Variants in RNF125 observed in about 807,000 individuals in gnomAD.
The protein encoded by RNF125 is ring finger protein 125, also known as E3 ubiquitin-protein ligase RNF125.
Under a neutral mutation model 26.0 loss-of-function variants are expected in RNF125, and 21 were observed. The observed-to-expected ratio is 0.81, with a 90% CI of 0.57 to 1.16. RNF125 has a LOEUF of 1.16. RNF125 is among the 50% of genes most tolerant of loss of function. The pLI is 0.00. For synonymous variants in RNF125, 95 were observed against 109.2 expected, an observed-to-expected ratio of 0.87 and a Z score of 0.81; for missense variants, 270 against 299.4, an observed-to-expected ratio of 0.90 and a Z score of 0.72.
In RNF125 at chr18:32,071,880, GA is replaced by G. The variant is rs1250520604; in HGVS notation, c.*3497del. The G allele has an allele frequency of 6.6e-6, 1 of 152,038 alleles. No individual in the cohort carries two copies. Among genetic ancestry groups the G allele is most frequent in the Non-Finnish European group, 1.5e-5 (1 of 68,014 alleles). 9.4% of individuals were successfully genotyped at this position (152,038 alleles called of 1,614,324 possible). A position where few individuals can be genotyped will look rare whatever the true frequency, so the allele number is the denominator to read the frequency against. Reference sequence around the variant, plus strand: ...AACCTCTCTTTCTTCAATTTAGATGGATCATACAATAAAGCAAAATCTGGCT... The same window carrying G: ...AACCTCTCTTTCTTCAATTTAGATGGTCATACAATAAAGCAAAATCTGGCT... On this transcript the variant is annotated 3_prime_UTR_variant, in exon 6 of 6. Coordinates refer to ENST00000217740, the MANE Select transcript of RNF125 (RefSeq NM_017831.4).
intron 1 of RNF125, among the ~76,000 whole-genome samples, chr18:32,023,597 A>G (rs2039005557): frequency 6.6e-6 from 1 of 152,248 alleles, no homozygotes; most frequent in African/African-American, 2.4e-5. Flanking sequence ...TCATGTATCT[A>G]AGTATGACAT....
chr18:32,065,928 C>A lies in RNF125; in HGVS notation c.531C>A (p.Pro177=). The A allele has an allele frequency of 6.2e-7, 1 of 1,613,466 alleles. No homozygotes were observed. The highest frequency in any genetic ancestry group is 8.5e-7 in the Non-Finnish European group (1 of 1,179,436). The change falls in exon 5 of 6, where the codon CCC becomes CCA. Residue 177 remains proline (P), a synonymous_variant. Coordinates refer to ENST00000217740, the MANE Select transcript of RNF125 (RefSeq NM_017831.4). ...TCTGTCCACTTTGCCGTTTAATACC[C>A]GATGAGAATCCAAGCAGCTTCAGTG... ...PVFCPLCRLI[P]DENPSSFSGS...
At chr18:32,039,330 A>C (rs2039193295) in intron 2 of RNF125, among the ~76,000 whole-genome samples, 1 of 151,864 alleles carries the variant, frequency 6.6e-6, no homozygotes, top group Non-Finnish European at 1.5e-5. Flanking sequence ...CAGGAGATCA[A>C]GGCTGCAGTA....
At chr18:32,041,645 T>TTTTTTTTG (rs1242648581) in intron 2 of RNF125, among the ~76,000 whole-genome samples, 4 of 95,476 alleles carry the variant, frequency 4.2e-5, no homozygotes, top group African/African-American at 2.1e-4. Flanking sequence ...TTTTTTTTTT[T>TTTTTTTTG]TTTGAGACGG....
chr18:32,028,439 CACCAATGTAGACTTTCTCT>C (rs1056817922), intron 1 of RNF125, among the ~76,000 whole-genome samples: 5 of 151,352 alleles, frequency 3.3e-5, no homozygotes, highest in South Asian at 2.1e-4. Context: ...CTATTTATTT[CACCAATGTAGACTTTCTCT>C]ACCAATGTAG....
At chr18:32,079,462 T>G in the RNF125 span, among the ~76,000 whole-genome samples, 4 of 152,214 alleles carry the variant, frequency 2.6e-5, no homozygotes, top group African/African-American at 9.6e-5. Context: ...TGGATGAGAC[T>G]ATTCATGTTA....
chr18:32,066,128 T>C (rs1283134707), intron 5 of RNF125, 119 bp downstream of exon 5: 5 of 627,958 alleles, frequency 8.0e-6, no homozygotes, highest in African/African-American at 7.4e-5. Context: ...TAGTGTTGAG[T>C]ATTAGCATTA....
the RNF125 span, among the ~76,000 whole-genome samples, chr18:32,084,727 T>A: frequency 6.6e-6 from 1 of 152,122 alleles, no homozygotes; most frequent in Non-Finnish European, 1.5e-5. Context: ...TTCACCTCTA[T>A]CCTAATCAAC....
In RNF125 at chr18:32,071,513, G is replaced by T. The variant is rs1007184725; in HGVS notation, c.*3129G>T. 2.0e-5 allele frequency: 3 copies of T among 152,268 alleles called. No homozygotes were observed. The highest frequency in any genetic ancestry group is 1.9e-4 in the East Asian group (1 of 5,190). The allele number at this position is 152,268 out of a possible 1,614,324, so 9.4% of individuals were successfully genotyped here. A position where few individuals can be genotyped will look rare whatever the true frequency, so the allele number is the denominator to read the frequency against. ...AATTATGAATCCAGGGCATAGATTA[G>T]TATCTCCATCTTGTAAGGATGCAAA... On this transcript the variant is annotated 3_prime_UTR_variant, in exon 6 of 6. Transcript: ENST00000217740.
At chr18:32,044,814 A>G (rs1218233573) in intron 3 of RNF125, among the ~76,000 whole-genome samples, 1 of 152,224 alleles carries the variant, frequency 6.6e-6, no homozygotes, top group East Asian at 1.9e-4. Context: ...GTTAATTTCC[A>G]GTGAAGAAGG....
At chr18:32,035,489 C>T (rs569063743) in intron 1 of RNF125, among the ~76,000 whole-genome samples, 1 of 152,114 alleles carries the variant, frequency 6.6e-6, no homozygotes, top group Non-Finnish European at 1.5e-5. Context: ...TTATCATCAG[C>T]AAGTATTTAA....
Position 32,066,013 on chromosome 18 carries a change from A to T in RNF125, c.612+4A>T, listed in dbSNP as rs772277539. On this transcript the variant is annotated splice_donor_region_variant and intron_variant, in intron 5 of 5. Coordinates refer to ENST00000217740, the MANE Select transcript of RNF125 (RefSeq NM_017831.4). ...TTTGTTTTATGATGATTTCATAGTA[A>T]GTATATTTTCTTATTTTTACATTAT... The T allele has an allele frequency of 8.5e-6, 13 of 1,524,552 alleles. No homozygotes were observed. The highest frequency in any genetic ancestry group is 1.1e-5 in the South Asian group (1 of 88,966). 94.4% of individuals were successfully genotyped at this position (1,524,552 alleles called of 1,614,324 possible).
At chr18:32,026,485 C>A (rs764789544) in intron 1 of RNF125, among the ~76,000 whole-genome samples, 1 of 152,030 alleles carries the variant, frequency 6.6e-6, no homozygotes, top group Non-Finnish European at 1.5e-5. Context: ...GGTGATCTGC[C>A]TGCCTCGGCC....
intron 1 of RNF125, among the ~76,000 whole-genome samples, chr18:32,019,591 C>T (rs984532084): frequency 6.6e-6 from 1 of 152,186 alleles, no homozygotes; most frequent in African/African-American, 2.4e-5. Context: ...CTTTCCACCC[C>T]CACCCCTGCT....
At chr18:32,075,147 T>A (rs2039561492), downstream of RNF125, among the ~76,000 whole-genome samples, 1 of 152,214 alleles carries the variant, frequency 6.6e-6, no homozygotes, top group African/African-American at 2.4e-5. Context: ...TTGATATGTA[T>A]GCCAACCTGC....
chr18:32,031,023 C>G (rs1008081188), intron 1 of RNF125: 2 of 152,092 alleles, frequency 1.3e-5, no homozygotes, highest in African/African-American at 4.8e-5. Context: ...CGGCATTCAT[C>G]CATTCATCAC....
At chr18:32,025,621 G>GC (rs2039026083) in intron 1 of RNF125, among the ~76,000 whole-genome samples, 1 of 138,600 alleles carries the variant, frequency 7.2e-6, no homozygotes, top group Non-Finnish European at 1.5e-5. Flanking sequence ...CCGAGATGGC[G>GC]CCACTGCACT....
chr18:32,036,711 G>C (rs2039159675), intron 1 of RNF125, among the ~76,000 whole-genome samples: 1 of 151,788 alleles, frequency 6.6e-6, no homozygotes, highest in African/African-American at 2.4e-5. Context: ...AATGTGTCTG[G>C]TATTTTTACT....
chr18:32,072,981 C>A lies in RNF125; in HGVS notation c.*4597C>A, dbSNP rs915959756. 3 of 151,256 alleles carry A rather than the reference C, an allele frequency of 2.0e-5. No homozygotes were observed. The highest frequency in any genetic ancestry group is 4.4e-5 in the Non-Finnish European group (3 of 67,912). The allele number at this position is 151,256 out of a possible 1,614,324, so 9.4% of individuals were successfully genotyped here. A position where few individuals can be genotyped will look rare whatever the true frequency, so the allele number is the denominator to read the frequency against. ...TGTCTTTCATTTGGAAGTGAACTTACTCCAGTTATTGAATGTTTATCATAT... is the reference window on the plus strand; with the variant it reads ...TGTCTTTCATTTGGAAGTGAACTTAATCCAGTTATTGAATGTTTATCATAT... On this transcript the variant is annotated 3_prime_UTR_variant, in exon 6 of 6. Transcript: ENST00000217740.
Sources: allele counts gnomAD v4.1 joint callset (sites outside exome capture counted in the v4.1 genomes callset), GRCh38; gene constraint gnomAD v4.1.1; transcripts MANE v1.5; gene names NCBI Gene and HGNC (gene_info 2026-07-23, HGNC 2026-07-21).